The following CACNA1C variants were observed in gnomAD, a reference collection of about 807,000 sequenced individuals.
CACNA1C encodes the protein calcium voltage-gated channel subunit alpha1 C, also known as voltage-dependent L-type calcium channel subunit alpha-1C.
A neutral mutation model predicts 229.0 loss-of-function variants in CACNA1C; 30 were observed. The ratio of observed to expected loss-of-function variants is 0.13; its 90% CI spans 0.10 to 0.18. The LOEUF (loss-of-function observed/expected upper bound fraction) is 0.18. Ranked by LOEUF, CACNA1C falls within the 10% of genes least tolerant of loss-of-function variation. CACNA1C has a pLI of 1.00. For synonymous variants in CACNA1C, 1,114 were observed against 1,132.5 expected (o/e 0.98, Z 0.33); for missense variants, 1,658 against 2,845.0 (o/e 0.58, Z 9.49).
intron 3 of CACNA1C, among the ~76,000 whole-genome samples, chr12:2,345,075 T>C (rs569420309): frequency 1.3e-5 from 2 of 149,300 alleles, no homozygotes; most frequent in Non-Finnish European, 3.0e-5. Context: ...CCCATGTCTG[T>C]GGGTTTGAAT....
intron 10 of CACNA1C, among the ~76,000 whole-genome samples, chr12:2,553,010 A>T (rs199962870): frequency 6.6e-6 from 1 of 152,072 alleles, no homozygotes; most frequent in East Asian, 1.9e-4. Context: ...GAAGAGGAGA[A>T]GGGCGACAGC....
upstream of CACNA1C, among the ~76,000 whole-genome samples, chr12:2,049,686 A>G (rs1455095189): frequency 6.6e-6 from 1 of 152,234 alleles, no homozygotes. Context: ...TACTATGCAG[A>G]AAGAGGGCAC....
intron 31 of CACNA1C, among the ~76,000 whole-genome samples, chr12:2,650,056 C>T (rs768786948): frequency 9.9e-5 from 15 of 152,170 alleles, no homozygotes; most frequent in Non-Finnish European, 1.8e-4. Context: ...TGCAGCAGGT[C>T]CCGAGTCCCA....
At chr12:2,084,642 G>A (rs749764918) in intron 1 of CACNA1C, among the ~76,000 whole-genome samples, 1 of 152,114 alleles carries the variant, frequency 6.6e-6, no homozygotes, top group Non-Finnish European at 1.5e-5. Flanking sequence ...GCTGTGTGCC[G>A]ACTTGGATGG....
Position 2,115,292 on chromosome 12 carries a change from C to T in CACNA1C, c.118C>T (p.Pro40Ser). Reference protein sequence around the residue: ...MNANAAAGLAPEHIPTPGAAL... With the variant: ...MNANAAAGLASEHIPTPGAAL... The stretch of plus-strand genomic sequence containing the variant: ...TGCCAATGCGGCAGCGGGGCTGGCC[C>T]CTGAGCACATCCCCACCCCGGGGGC... The change falls in exon 2 of 47, where the codon CCT becomes TCT. Residue 40 changes from proline (P) to serine (S), a missense_variant. Around this residue, in one of 20 missense-constraint regions of CACNA1C, gnomAD observed 111 missense variants for 128.0 expected, o/e 0.87. Coordinates refer to ENST00000399655, the MANE Select transcript of CACNA1C (RefSeq NM_000719.7). The T allele has an allele frequency of 6.3e-7, 1 of 1,593,696 alleles. No individual in the cohort carries two copies. The highest frequency in any genetic ancestry group is 1.7e-4 in the Middle Eastern group (1 of 6,042).
At chr12:2,282,976 G>T (rs1301138749) in intron 3 of CACNA1C, among the ~76,000 whole-genome samples, 1 of 151,884 alleles carries the variant, frequency 6.6e-6, no homozygotes, top group Non-Finnish European at 1.5e-5. Context: ...CCCCATTCAA[G>T]GCAGGTGGAA....
At chr12:2,046,842 T>C (rs537164932) in intron 1 of CACNA1C, among the ~76,000 whole-genome samples, 9 of 152,256 alleles carry the variant, frequency 5.9e-5, no homozygotes, top group Admixed American at 5.2e-4. Context: ...TCCTATGGCT[T>C]CTAGATAAAC....
intron 3 of CACNA1C, among the ~76,000 whole-genome samples, chr12:2,307,220 C>G (rs1265389176): frequency 6.6e-6 from 1 of 152,222 alleles, no homozygotes; most frequent in African/African-American, 2.4e-5. Flanking sequence ...CTTTGGTCCT[C>G]TGGGATCCAG....
At position 2,457,657 on chromosome 12, in the gene CACNA1C, G is replaced by T. The variant is rs2099444269; in HGVS notation, c.708G>T (p.Leu236=). The stretch of plus-strand genomic sequence containing the variant: ...GGGCCGGATTTGATGTGAAGGCGCT[G>T]AGGGCCTTCCGCGTGCTGCGCCCCC... ...GKGAGFDVKA[L]RAFRVLRPLR... is the part of the protein sequence containing the mutation. The change falls in exon 5 of 47, where the codon CTG becomes CTT. Residue 236 remains leucine (L), a synonymous_variant. Coordinates refer to ENST00000399655, the MANE Select transcript of CACNA1C (RefSeq NM_000719.7). 6.2e-7 allele frequency: 1 copy of T among 1,610,784 alleles called. No homozygotes were observed. The highest frequency in any genetic ancestry group is 8.5e-7 in the Non-Finnish European group (1 of 1,178,844).
At chr12:2,202,802 G>A (rs1210779681) in intron 3 of CACNA1C, among the ~76,000 whole-genome samples, 1 of 152,164 alleles carries the variant, frequency 6.6e-6, no homozygotes, top group East Asian at 1.9e-4. Flanking sequence ...CATGAGCGGA[G>A]GGTGGAATGA....
At position 2,407,122 on chromosome 12, in the gene CACNA1C, G is replaced by A. The variant is rs546746612; in HGVS notation, c.478-41854G>A. 4.1e-4 allele frequency among the ~76,000 whole-genome samples: 63 copies of A among 152,320 alleles called. 1 individual carries two copies. The South Asian group carries it at 4.8e-3, about 12-fold the overall frequency. ...GCCTCGTTACTGCCTCACCGACACC[G>A]CAGCGAGGGAGAGGCCTCATTACCA... is the stretch of plus-strand genomic sequence containing the variant. On this transcript the variant is annotated intron_variant, in intron 3 of 46. Coordinates refer to ENST00000399655, the MANE Select transcript of CACNA1C (RefSeq NM_000719.7).
intron 3 of CACNA1C, among the ~76,000 whole-genome samples, chr12:2,149,500 C>G (rs1016372467): frequency 1.1e-4 from 17 of 152,216 alleles, no homozygotes; most frequent in African/African-American, 4.1e-4. Context: ...GAATGCTCTA[C>G]TGCTGTGAAC....
At chr12:2,341,059 T>C (rs1005853720) in intron 3 of CACNA1C, among the ~76,000 whole-genome samples, 5 of 152,204 alleles carry the variant, frequency 3.3e-5, no homozygotes, top group Non-Finnish European at 5.9e-5. Flanking sequence ...CGTTTTTGCA[T>C]GTAAGACTTG....
At chr12:2,110,727 T>C (rs1019013515) in intron 1 of CACNA1C, among the ~76,000 whole-genome samples, 1 of 152,196 alleles carries the variant, frequency 6.6e-6, no homozygotes, top group Non-Finnish European at 1.5e-5. Flanking sequence ...ACATTTCAAG[T>C]GCTCAGGAGC....
intron 1 of CACNA1C, among the ~76,000 whole-genome samples, chr12:2,023,321 C>G (rs1050595221): frequency 2.0e-5 from 3 of 152,004 alleles, no homozygotes; most frequent in Non-Finnish European, 4.4e-5. Context: ...GAGTGGCTTC[C>G]TTTCTTGTAT....
chr12:2,562,932 T>C (rs948813318), intron 11 of CACNA1C, among the ~76,000 whole-genome samples: 4 of 152,262 alleles, frequency 2.6e-5, no homozygotes, highest in Non-Finnish European at 5.9e-5. Flanking sequence ...TAAATTATCA[T>C]GACTGTAGTC....
Position 2,403,132 on chromosome 12 carries a change from G to A in CACNA1C, c.478-45844G>A, listed in dbSNP as rs2098698269. Among the ~76,000 whole-genome samples, 1 of 152,126 alleles carries A rather than the reference G, an allele frequency of 6.6e-6. No individual in the cohort carries two copies. Among genetic ancestry groups the A allele is most frequent in the Non-Finnish European group, 1.5e-5 (1 of 68,022 alleles). On this transcript the variant is annotated intron_variant, in intron 3 of 46. Transcript: ENST00000399655. The surrounding 1 kb of genome is among the most constrained non-coding windows in gnomAD (Gnocchi z 4.1). ...AGGACGTAGGCCTGGAGTGATGAGGGTCAACCACAGTCTTCCCAACATTTC... is the reference window on the plus strand; with the variant it reads ...AGGACGTAGGCCTGGAGTGATGAGGATCAACCACAGTCTTCCCAACATTTC...
Position 2,646,768 on chromosome 12 carries a change from AAGAG to A in CACNA1C, c.3913-1688_3913-1685del, listed in dbSNP as rs59068153. Among the ~76,000 whole-genome samples the A allele has an allele frequency of 2.5e-3, 371 of 146,598 alleles. No homozygotes were observed. Among genetic ancestry groups the A allele is most frequent in the African/African-American group, 6.3e-3 (252 of 40,248 alleles). On this transcript the variant is annotated intron_variant, in intron 30 of 46. Coordinates refer to ENST00000399655, the MANE Select transcript of CACNA1C (RefSeq NM_000719.7). The surrounding 1 kb of genome is among the most constrained non-coding windows in gnomAD (Gnocchi z 4.6). Reference sequence around the variant, plus strand: ...TGCCTGTATGAGAGAGAGAGAGAGAAAGAGAGAGAGAGAGAGAGAGAGTGTGTGT... The same window carrying A: ...TGCCTGTATGAGAGAGAGAGAGAGAAAGAGAGAGAGAGAGAGAGTGTGTGT...
intron 5 of CACNA1C, among the ~76,000 whole-genome samples, chr12:2,477,549 C>T (rs545666077): frequency 6.6e-6 from 1 of 152,308 alleles, no homozygotes; most frequent in Admixed American, 6.5e-5. Flanking sequence ...GGGGAGTCGA[C>T]CAGATGGCCT....
Sources: allele counts gnomAD v4.1 joint callset (sites outside exome capture counted in the v4.1 genomes callset), GRCh38; gene constraint gnomAD v4.1.1; regional missense constraint gnomAD v4.1.1; non-coding constraint Gnocchi (gnomAD v3.1); transcripts MANE v1.5; gene names NCBI Gene and HGNC (gene_info 2026-07-23, HGNC 2026-07-21).